GATA4: variants seen among roughly 807,000 people sequenced by gnomAD.
The protein encoded by GATA4 is GATA binding protein 4.
GATA4 carries 7 observed loss-of-function variants against 37.9 expected under a neutral mutation model. That is an observed-to-expected ratio of 0.18 (90% CI 0.11 to 0.35). The LOEUF (loss-of-function observed/expected upper bound fraction) is 0.35. Among genes scored for constraint, GATA4 ranks in the 10% least tolerant of loss-of-function variants. The pLI, the probability that GATA4 is intolerant of heterozygous loss-of-function variation, is 1.00. For missense variants in GATA4, 647 were observed against 653.0 expected, an observed-to-expected ratio of 0.99 and a Z score of 0.10; for synonymous variants, 372 against 292.6, an observed-to-expected ratio of 1.27 and a Z score of -2.77.
At chr8:11,740,095 C>A (rs574538194) in intron 2 of GATA4, among the ~76,000 whole-genome samples, 4 of 152,300 alleles carry the variant, frequency 2.6e-5, no homozygotes, top group East Asian at 3.9e-4. Flanking sequence ...AGCCAGGGCT[C>A]CCCTGGTTGT....
In GATA4 at chr8:11,707,816, G is replaced by A. The variant is rs1208683519; in HGVS notation, c.-457-40G>A. ...TGGAGAGTGGGTTCTGAAAGCTCTG[G>A]GATGAACCACCCTCTCTCTTTCTGT... On this transcript the variant is annotated intron_variant, in intron 1 of 6. Coordinates refer to ENST00000532059, the MANE Select transcript of GATA4 (RefSeq NM_001308093.3). The surrounding 1 kb of genome is among the most constrained non-coding windows in gnomAD (Gnocchi z 4.7). 1 of 205,330 alleles carries A rather than the reference G, an allele frequency of 4.9e-6. No homozygotes were observed. The highest frequency in any genetic ancestry group is 9.9e-6 in the Non-Finnish European group (1 of 100,796). The allele number at this position is 205,330 out of a possible 1,614,324, so 12.7% of individuals were successfully genotyped here.
intron 4 of GATA4, among the ~76,000 whole-genome samples, chr8:11,751,290 C>T (rs560814779): frequency 8.5e-5 from 13 of 152,216 alleles, no homozygotes; most frequent in East Asian, 1.9e-4. Context: ...AGGCAAGGTG[C>T]CCAACACTAC....
chr8:11,692,243 G>A (rs551568852), upstream of GATA4, among the ~76,000 whole-genome samples: 4 of 152,350 alleles, frequency 2.6e-5, no homozygotes, highest in East Asian at 5.8e-4. Flanking sequence ...GGGGGAAACT[G>A]AGCGCAGGGG....
Position 11,693,193 on chromosome 8 carries a change from C to T in GATA4, c.-729+533C>T. ...TAGAAATGATTCGGCAAGCTGGGCG[C>T]GGTGGCGCATATTTGTAATCCCAGC... On this transcript the variant is annotated intron_variant, in intron 1 of 2. Coordinates refer to the GATA4 transcript ENST00000526974. The T allele has an allele frequency of 2.9e-6, 2 of 683,186 alleles. 1 individual carries two copies. Among genetic ancestry groups the T allele is most frequent in the South Asian group, 1.3e-4 (2 of 15,414 alleles). The allele number at this position is 683,186 out of a possible 1,614,324, so 42.3% of individuals were successfully genotyped here. A position where few individuals can be genotyped will look rare whatever the true frequency, so the allele number is the denominator to read the frequency against.
At chr8:11,705,740 T>C (rs2130050907) in intron 1 of GATA4, among the ~76,000 whole-genome samples, 1 of 152,336 alleles carries the variant, frequency 6.6e-6, no homozygotes. Context: ...TCTGTTGTTC[T>C]AGTAATCCAA....
At chr8:11,725,937 C>T (rs76971783) in intron 2 of GATA4, among the ~76,000 whole-genome samples, 4,826 of 152,294 alleles carry the variant, frequency 0.032, 210 homozygotes, top group African/African-American at 0.1. Context: ...CATCTCCAGC[C>T]ACAATTCCTG....
At chr8:11,710,688 CAAAAAAAAAAAAAAA>C (rs57178682) in intron 2 of GATA4, among the ~76,000 whole-genome samples, 1 of 37,280 alleles carries the variant, frequency 2.7e-5, no homozygotes, top group African/African-American at 1.2e-4. Context: ...GACTACGTCT[CAAAAAAAAAAAAAAA>C]AAAAAAAAAA....
intron 2 of GATA4, among the ~76,000 whole-genome samples, chr8:11,741,172 C>G (rs898634385): frequency 2.0e-5 from 3 of 152,148 alleles, no homozygotes; most frequent in African/African-American, 7.2e-5. Context: ...ACTTTTGTTT[C>G]ACTTGTTTCA....
chr8:11,701,795 T>G (rs1025714756), upstream of GATA4, among the ~76,000 whole-genome samples: 5 of 141,044 alleles, frequency 3.5e-5, no homozygotes, highest in Admixed American at 3.7e-4. Context: ...GGTCAGGGGA[T>G]CCCAGGTTTC....
chr8:11,697,556 C>T (rs1013367658), intron 1 of GATA4: 3 of 985,334 alleles, frequency 3.0e-6, no homozygotes, highest in African/African-American at 1.7e-5. Flanking sequence ...TTCCCCTCCA[C>T]CGCCAGGGAA....
At chr8:11,693,825 T>C (rs1388207564) in intron 1 of GATA4, among the ~76,000 whole-genome samples, 1 of 152,112 alleles carries the variant, frequency 6.6e-6, no homozygotes, top group Non-Finnish European at 1.5e-5. Context: ...AAGGGCCAAG[T>C]CATAGGTTAT....
At position 11,749,136 on chromosome 8, in the gene GATA4, G is replaced by A. The variant is rs373179740; in HGVS notation, c.786+51G>A. The A allele has an allele frequency of 1.4e-3, 2,293 of 1,585,432 alleles. 2 individuals carry two copies. Among genetic ancestry groups the A allele is most frequent in the Non-Finnish European group, 1.7e-3 (1,996 of 1,159,904 alleles). ...CTGGGCACCTGGCTGCGGAGCTCTC[G>A]CCTTGGTGGGACATCCTCTGGTTTT... On this transcript the variant is annotated intron_variant, in intron 3 of 6. Transcript: ENST00000532059. The surrounding 1 kb of genome is among the most constrained non-coding windows in gnomAD (Gnocchi z 4.6).
chr8:11,721,663 A>T (rs1264627011), intron 2 of GATA4, among the ~76,000 whole-genome samples: 1 of 152,094 alleles, frequency 6.6e-6, no homozygotes, highest in Non-Finnish European at 1.5e-5. Flanking sequence ...AAGAGGGGAC[A>T]AAACTCAAGC....
At chr8:11,740,685 T>C (rs751018099) in intron 2 of GATA4, among the ~76,000 whole-genome samples, 1 of 151,980 alleles carries the variant, frequency 6.6e-6, no homozygotes. Context: ...CAAATAGAAA[T>C]GTAGAGCTCA....
chr8:11,739,420 A>G (rs1457348747), intron 2 of GATA4, among the ~76,000 whole-genome samples: 1 of 151,952 alleles, frequency 6.6e-6, no homozygotes, highest in Non-Finnish European at 1.5e-5. Context: ...TTATTAGAGC[A>G]GTTTTATTGC....
Position 11,716,312 on chromosome 8 carries a change from C to CT in GATA4, c.616+7394dup, listed in dbSNP as rs907626595. The stretch of plus-strand genomic sequence containing the variant: ...ATCAACCTGAAAGTAGCATCTTTTT[C>CT]TTTTTTTTTTAAAGAAGATTCTCTA... On this transcript the variant is annotated intron_variant, in intron 2 of 6. Transcript: ENST00000532059. 7.0e-4 allele frequency among the ~76,000 whole-genome samples: 104 copies of CT among 148,578 alleles called. 1 individual carries two copies. The highest frequency in any genetic ancestry group is 6.5e-4 in the South Asian group (3 of 4,646).
intron 2 of GATA4, among the ~76,000 whole-genome samples, chr8:11,735,585 G>A (rs572782300): frequency 6.6e-6 from 1 of 152,016 alleles, no homozygotes. Flanking sequence ...TTTTTGAGAC[G>A]GAGTTTTGCT....
intron 1 of GATA4, among the ~76,000 whole-genome samples, chr8:11,686,923 G>A (rs988701650): frequency 3.9e-5 from 6 of 151,958 alleles, no homozygotes; most frequent in Admixed American, 1.3e-4. Flanking sequence ...ACTTGAACCC[G>A]GGAGGCGGAG....
chr8:11,712,105 A>G (rs1800210393), intron 2 of GATA4, among the ~76,000 whole-genome samples: 1 of 152,246 alleles, frequency 6.6e-6, no homozygotes, highest in Non-Finnish European at 1.5e-5. Flanking sequence ...GTTGCCTTAA[A>G]TTAGAAAAGT....
Sources: gnomAD v4.1 joint callset for allele counts (sites outside exome capture counted in the v4.1 genomes callset) on GRCh38, gnomAD v4.1.1 for gene constraint, Gnocchi (gnomAD v3.1) non-coding constraint, MANE v1.5 for transcripts, NCBI Gene and HGNC (gene_info 2026-07-23, HGNC 2026-07-21) for gene names.